The following SLC2A11 variants were observed in gnomAD, a reference collection of about 807,000 sequenced individuals.
SLC2A11 encodes the protein solute carrier family 2, facilitated glucose transporter member 11.
A neutral mutation model predicts 52.1 loss-of-function variants in SLC2A11; 43 were observed. The ratio of observed to expected loss-of-function variants is 0.82; its 90% confidence interval spans 0.65 to 1.06. The LOEUF is 1.06. Ranked by LOEUF, SLC2A11 falls within the 50% of genes least tolerant of loss-of-function variation. SLC2A11 has a pLI of 0.00. For synonymous variants in SLC2A11, 261 were observed against 277.6 expected, an observed-to-expected ratio of 0.94 and a Z score of 0.59; for missense variants, 582 against 654.2, an observed-to-expected ratio of 0.89 and a Z score of 1.20.
intron 1 of SLC2A11, 112 bp downstream of exon 1, chr22:23,858,141 C>T: frequency 1.4e-6 from 2 of 1,420,754 alleles, no homozygotes; most frequent in South Asian, 1.2e-5. Context: ...GTCAAATGTT[C>T]AAAAATATCG....
At chr22:23,858,268 C>T (rs1208926741) in intron 1 of SLC2A11, 6 of 675,320 alleles carry the variant, frequency 8.9e-6, no homozygotes, top group Non-Finnish European at 1.6e-5. Flanking sequence ...TCCCAGCCCC[C>T]AGAGATGCTA....
Position 23,859,187 on chromosome 22 carries a change from T to G in SLC2A11, c.30+1158T>G, listed in dbSNP as rs1183281400. On this transcript the variant is annotated intron_variant, in intron 1 of 11. Transcript: ENST00000316185. ...AGCTCTCACTTCCATGCGGCCCCCGTGGAGCTGTAATTTGGCCTCAATGGG... is the reference window on the plus strand; with the variant it reads ...AGCTCTCACTTCCATGCGGCCCCCGGGGAGCTGTAATTTGGCCTCAATGGG... Among the ~76,000 whole-genome samples the G allele has an allele frequency of 9.2e-5, 14 of 152,344 alleles. No individual in the cohort carries two copies. The East Asian group carries it at 1.2e-3, about 13-fold the overall frequency.
chr22:23,886,197 T>C lies in SLC2A11; in HGVS notation c.*1348T>C, dbSNP rs528154733. ...GACTCCTTTGTATTGCTGAGTAGTA[T>C]TCCCCTCTGTGGTTAGACCATGATT... On this transcript the variant is annotated 3_prime_UTR_variant, in exon 12 of 12. Coordinates refer to ENST00000316185, the MANE Select transcript of SLC2A11 (RefSeq NM_001024939.4). The C allele has an allele frequency of 1.3e-5, 2 of 152,266 alleles. No individual in the cohort carries two copies. The highest frequency in any genetic ancestry group is 1.3e-4 in the Admixed American group (2 of 15,282). 9.4% of individuals were successfully genotyped at this position (152,266 alleles called of 1,614,324 possible). A position where few individuals can be genotyped will look rare whatever the true frequency, so the allele number is the denominator to read the frequency against.
At chr22:23,857,410 C>T (rs2031873365), upstream of SLC2A11, 2 of 1,598,762 alleles carry the variant, frequency 1.3e-6, no homozygotes, top group Admixed American at 1.8e-5. Context: ...GAGCTCCCTT[C>T]CGGCCTGCAG....
At chr22:23,878,681 C>T (rs967273115) in intron 6 of SLC2A11, among the ~76,000 whole-genome samples, 1 of 152,238 alleles carries the variant, frequency 6.6e-6, no homozygotes, top group Non-Finnish European at 1.5e-5. Flanking sequence ...GGGTGAAGAC[C>T]GGGGCCCATT....
At chr22:23,862,073 G>C in intron 1 of SLC2A11, 31 bp from the exon 2 acceptor site, 1 of 1,589,074 alleles carries the variant, frequency 6.3e-7, no homozygotes, top group Non-Finnish European at 8.6e-7. Flanking sequence ...GGCTGTTGTT[G>C]GTCACTCTGT....
chr22:23,860,672 G>A (rs1448327900), intron 1 of SLC2A11, among the ~76,000 whole-genome samples: 7 of 150,644 alleles, frequency 4.6e-5, no homozygotes, highest in Non-Finnish European at 1.0e-4. Flanking sequence ...GGCGGAGATT[G>A]CAGTGAGCCA....
chr22:23,864,176 T>C (rs1178639655), intron 2 of SLC2A11, among the ~76,000 whole-genome samples: 1 of 152,094 alleles, frequency 6.6e-6, no homozygotes, highest in East Asian at 1.9e-4. Flanking sequence ...AGGGCTGTAG[T>C]TGACCATCGA....
At chr22:23,870,804 T>G (rs2032428435) in intron 3 of SLC2A11, 1 of 152,094 alleles carries the variant, frequency 6.6e-6, no homozygotes, top group Non-Finnish European at 1.5e-5. Context: ...GTGATTTTCC[T>G]GCCTCAGCCT....
At chr22:23,867,435 T>C (rs983889208) in intron 2 of SLC2A11, 1 of 226,478 alleles carries the variant, frequency 4.4e-6, no homozygotes, top group Non-Finnish European at 9.1e-6. Flanking sequence ...TGACCTGAGG[T>C]GATACGCCCA....
chr22:23,857,790 G>C (rs1016023574), upstream of SLC2A11: 17 of 1,442,504 alleles, frequency 1.2e-5, no homozygotes, highest in South Asian at 2.9e-5. Flanking sequence ...TGGTGCGGCC[G>C]CTCTCAATAC....
chr22:23,866,832 T>A (rs954185914), intron 2 of SLC2A11: 6 of 152,176 alleles, frequency 3.9e-5, no homozygotes, highest in Admixed American at 3.3e-4. Context: ...GGCAGGAGGG[T>A]CGCTTGAGCC....
upstream of SLC2A11, chr22:23,856,966 C>A: frequency 6.2e-7 from 1 of 1,611,894 alleles, no homozygotes; most frequent in African/African-American, 1.3e-5. Flanking sequence ...GCCCAGGACG[C>A]ACAGATGAGA....
intron 1 of SLC2A11, among the ~76,000 whole-genome samples, chr22:23,858,606 G>A (rs1204788207): frequency 6.6e-6 from 1 of 152,160 alleles, no homozygotes; most frequent in Non-Finnish European, 1.5e-5. Context: ...ACCAACTAAG[G>A]TGGGAGGATC....
chr22:23,877,264 T>C (rs1004061331), intron 5 of SLC2A11, 93 bp downstream of exon 5: 4 of 1,562,954 alleles, frequency 2.6e-6, no homozygotes, highest in African/African-American at 1.4e-5. Flanking sequence ...ACTAGTAGAT[T>C]AAAGCATTAT....
At chr22:23,857,854 TCACTGCGCGTGCGCTAGCGCCTCTTTCAC>T in exon 1 of SLC2A11, 1 of 1,520,140 alleles carries the variant, frequency 6.6e-7, no homozygotes, top group South Asian at 1.2e-5. Context: ...TCTCAAACGC[TCACTGCGCGTGCGCTAGCGCCTCTTTCAC>T]CACTGGGCGC....
chr22:23,885,139 G>A lies in SLC2A11; in HGVS notation c.*290G>A, dbSNP rs933614893. 2.0e-6 allele frequency: 1 copy of A among 505,042 alleles called. No individual in the cohort carries two copies. Among genetic ancestry groups the A allele is most frequent in the Non-Finnish European group, 3.4e-6 (1 of 290,236 alleles). The allele number at this position is 505,042 out of a possible 1,614,324, so 31.3% of individuals were successfully genotyped here. On this transcript the variant is annotated 3_prime_UTR_variant, in exon 12 of 12. Transcript: ENST00000316185. ...AGGCCAAGGTGGGAGGATCAATTGA[G>A]GCCAGAGTTTGAAACCAGCCTAGGT...
Position 23,868,595 on chromosome 22 carries a change from C to A in SLC2A11, c.244C>A (p.Leu82Ile). The part of the protein sequence containing the change: ...LIVSLYPLGG[L>I]FGALLAGPLA... Reference sequence around the variant, plus strand: ...CGTGTCTCTGTATCCCCTGGGAGGCCTCTTTGGAGCACTGCTTGCAGGTCC... The same window carrying A: ...CGTGTCTCTGTATCCCCTGGGAGGCATCTTTGGAGCACTGCTTGCAGGTCC... The change falls in exon 3 of 12, where the codon CTC (leucine) becomes ATC (isoleucine). Residue 82 changes from leucine to isoleucine, a missense_variant. Coordinates refer to ENST00000316185, the MANE Select transcript of SLC2A11 (RefSeq NM_001024939.4). The A allele has an allele frequency of 6.2e-7, 1 of 1,614,226 alleles. No individual in the cohort carries two copies. The highest frequency in any genetic ancestry group is 1.1e-5 in the South Asian group (1 of 91,084).
intron 1 of SLC2A11, among the ~76,000 whole-genome samples, chr22:23,861,180 A>G (rs1261305974): frequency 6.9e-6 from 1 of 144,980 alleles, no homozygotes; most frequent in Non-Finnish European, 1.5e-5. Flanking sequence ...GGGTTTCACC[A>G]TCTTGGCCAG....
Sources: allele counts gnomAD v4.1 joint callset (sites outside exome capture counted in the v4.1 genomes callset), GRCh38; gene constraint gnomAD v4.1.1; transcripts MANE v1.5; gene names NCBI Gene and HGNC (gene_info 2026-07-23, HGNC 2026-07-21).